The following PTPN4 variants were observed in gnomAD, a reference collection of about 807,000 sequenced individuals.
PTPN4 encodes the protein protein tyrosine phosphatase non-receptor type 4.
A neutral mutation model predicts 135.5 loss-of-function variants in PTPN4; 49 were observed. That is an observed-to-expected ratio of 0.36 (90% CI 0.29 to 0.46). The LOEUF (loss-of-function observed/expected upper bound fraction) is 0.46. Ranked by LOEUF, PTPN4 falls within the 20% of genes least tolerant of loss-of-function variation. The probability of loss-of-function intolerance (pLI) is 1.00; values close to 1 mark genes in which losing one functional copy is unlikely to be tolerated. For missense variants in PTPN4, 860 were observed against 1,101.0 expected (o/e 0.78, Z 3.10); for synonymous variants, 333 against 369.9 (o/e 0.90, Z 1.14).
chr2:119,796,476 C>G (rs1347349345), intron 1 of PTPN4, among the ~76,000 whole-genome samples: 1 of 151,918 alleles, frequency 6.6e-6, no homozygotes, highest in Non-Finnish European at 1.5e-5. Context: ...TTTTTTTGGT[C>G]TAATTTGTTT....
At chr2:119,885,702 C>T (rs932023046) in intron 8 of PTPN4, 93 bp from the exon 9 acceptor site, 1 of 797,312 alleles carries the variant, frequency 1.3e-6, no homozygotes, top group Non-Finnish European at 1.9e-6. Flanking sequence ...TTAGACTGCT[C>T]AGTTTTTTCA....
chr2:119,935,053 A>G (rs1193298070), intron 15 of PTPN4, 95 bp downstream of exon 15: 6 of 1,358,214 alleles, frequency 4.4e-6, no homozygotes, highest in Non-Finnish European at 6.0e-6. Flanking sequence ...TCGATACAAG[A>G]TTTTAATTAT....
chr2:119,861,263 C>T (rs1386546012), intron 2 of PTPN4, among the ~76,000 whole-genome samples: 2 of 152,034 alleles, frequency 1.3e-5, no homozygotes, highest in African/African-American at 4.8e-5. Flanking sequence ...CTCACTCGCT[C>T]CCTTGAGAAT....
chr2:119,876,254 G>A (rs1677981303), intron 3 of PTPN4, among the ~76,000 whole-genome samples: 1 of 152,140 alleles, frequency 6.6e-6, no homozygotes, highest in Non-Finnish European at 1.5e-5. Flanking sequence ...TATGTTTTAG[G>A]ACTATTCTTG....
chr2:119,869,887 A>G (rs955870953), intron 3 of PTPN4, among the ~76,000 whole-genome samples: 2 of 152,240 alleles, frequency 1.3e-5, no homozygotes, highest in Non-Finnish European at 2.9e-5. Context: ...GTCAAACCAG[A>G]GGAAAACTTA....
intron 2 of PTPN4, among the ~76,000 whole-genome samples, chr2:119,815,242 ATTCT>A (rs1326279585): frequency 1.3e-5 from 2 of 152,214 alleles, no homozygotes; most frequent in Non-Finnish European, 2.9e-5. Context: ...TGTGTTTCAT[ATTCT>A]TTCTTTGTTA....
intron 8 of PTPN4, among the ~76,000 whole-genome samples, chr2:119,883,164 A>G (rs1483448837): frequency 6.6e-6 from 1 of 152,166 alleles, no homozygotes; most frequent in Non-Finnish European, 1.5e-5. Flanking sequence ...ACCTGATCCC[A>G]TGTAATGGGT....
chr2:119,911,713 C>T (rs1299843431), intron 10 of PTPN4, among the ~76,000 whole-genome samples: 1 of 151,892 alleles, frequency 6.6e-6, no homozygotes, highest in Non-Finnish European at 1.5e-5. Context: ...AGTATAATGG[C>T]TTTCCTTGTA....
At chr2:119,962,576 G>C in intron 23 of PTPN4, 40 bp from the exon 24 acceptor site, 1 of 1,105,184 alleles carries the variant, frequency 9.0e-7, no homozygotes, top group Non-Finnish European at 1.2e-6. Context: ...GAATCCATAT[G>C]TATATAATTT....
At chr2:119,838,504 CA>C (rs1319136333) in intron 2 of PTPN4, among the ~76,000 whole-genome samples, 6 of 152,214 alleles carry the variant, frequency 3.9e-5, no homozygotes, top group Non-Finnish European at 8.8e-5. Context: ...GTCTTTCCTG[CA>C]AACTTGTCTT....
chr2:119,935,656 C>T (rs893037020), intron 15 of PTPN4, among the ~76,000 whole-genome samples: 1 of 151,976 alleles, frequency 6.6e-6, no homozygotes, highest in Non-Finnish European at 1.5e-5. Flanking sequence ...TACAATGATA[C>T]CTGTGGGGAA....
At position 119,844,517 on chromosome 2, in the gene PTPN4, G is replaced by A. The variant is rs1466530171; in HGVS notation, c.139-18019G>A. Among the ~76,000 whole-genome samples, 14 of 145,226 alleles carry A rather than the reference G, an allele frequency of 9.6e-5. No individual in the cohort carries two copies. In the East Asian group the frequency reaches 3.0e-3, roughly 31 times the overall value. Reference sequence around the variant, plus strand: ...CAGACGGGGTGGTTGCCGGGCAGAGGGTCTCCTCACTTCTCAGACGGGGCG... The same window carrying A: ...CAGACGGGGTGGTTGCCGGGCAGAGAGTCTCCTCACTTCTCAGACGGGGCG... On this transcript the variant is annotated intron_variant, in intron 2 of 26. Transcript: ENST00000263708.
chr2:119,793,907 G>T (rs1295918867), intron 1 of PTPN4, among the ~76,000 whole-genome samples: 1 of 127,140 alleles, frequency 7.9e-6, no homozygotes, highest in African/African-American at 3.0e-5. Flanking sequence ...CCAGGTTGGA[G>T]TGCAGTGGCT....
At chr2:119,807,816 A>G (rs1691501859) in intron 1 of PTPN4, among the ~76,000 whole-genome samples, 1 of 152,214 alleles carries the variant, frequency 6.6e-6, no homozygotes. Flanking sequence ...CATCGATGCA[A>G]AAATCCTCAA....
chr2:119,803,330 C>T (rs561765994), intron 1 of PTPN4, among the ~76,000 whole-genome samples: 2 of 152,240 alleles, frequency 1.3e-5, no homozygotes, highest in South Asian at 2.1e-4. Context: ...AGATTTCTGT[C>T]AGCACTGCTT....
chr2:119,847,775 T>C (rs1484659534), intron 2 of PTPN4, among the ~76,000 whole-genome samples: 1 of 152,210 alleles, frequency 6.6e-6, no homozygotes, highest in Non-Finnish European at 1.5e-5. Context: ...TGGCAACAAA[T>C]ACTCTCAGTA....
chr2:119,915,721 A>G (rs1678643643), intron 11 of PTPN4: 1 of 152,222 alleles, frequency 6.6e-6, no homozygotes, highest in Non-Finnish European at 1.5e-5. Flanking sequence ...TGTCATGGAA[A>G]GTACAGTGTT....
At position 119,942,877 on chromosome 2, in the gene PTPN4, G is replaced by A. The variant is rs115169404; in HGVS notation, c.1356-2204G>A. Among the ~76,000 whole-genome samples the A allele has an allele frequency of 3.6e-3, 549 of 152,240 alleles. 3 individuals are homozygous for A. The highest frequency in any genetic ancestry group is 0.013 in the African/African-American group (528 of 41,540). On this transcript the variant is annotated intron_variant, in intron 15 of 26. Transcript: ENST00000263708. ...TGAATCTATGGGCCCTTAGAAGCTT[G>A]TATTCTTGGCAGTTGAAAGTAACAT...
At position 119,784,274 on chromosome 2, in the gene PTPN4, T is replaced by A. The variant is rs1289882984; in HGVS notation, c.-18+23890T>A. ...ATCAAGAGAGGTGATGTAGACTCCC[T>A]TTTTTTTTTTTTTTTTTTGAGACAG... On this transcript the variant is annotated intron_variant, in intron 1 of 26. Transcript: ENST00000263708. Among the ~76,000 whole-genome samples the A allele has an allele frequency of 3.1e-5, 4 of 129,022 alleles. No homozygotes were observed. In the South Asian group the frequency reaches 8.0e-4, roughly 26 times the overall value. 84.6% of individuals were successfully genotyped at this position (129,022 alleles called of 152,430 possible).
Sources: allele counts gnomAD v4.1 joint callset (sites outside exome capture counted in the v4.1 genomes callset), GRCh38; gene constraint gnomAD v4.1.1; transcripts MANE v1.5; gene names NCBI Gene and HGNC (gene_info 2026-07-23, HGNC 2026-07-21).